Variants in PTPRG observed in about 807,000 individuals in gnomAD.
The protein encoded by PTPRG is receptor-type tyrosine-protein phosphatase gamma.
A neutral mutation model predicts 165.3 loss-of-function variants in PTPRG; 102 were observed. The observed-to-expected ratio is 0.62, with a 90% CI of 0.53 to 0.73. The LOEUF (loss-of-function observed/expected upper bound fraction) is 0.73, where lower values mean the gene tolerates loss of function less well. PTPRG is among the 30% of genes least tolerant of loss of function. The pLI, the probability that PTPRG is intolerant of heterozygous loss-of-function variation, is 0.00. For missense variants in PTPRG, 1,866 were observed against 1,861.4 expected, an observed-to-expected ratio of 1.00 and a Z score of -0.05; for synonymous variants, 675 against 669.5, an observed-to-expected ratio of 1.01 and a Z score of -0.13.
At chr3:61,577,651 T>A (rs1700198321) in intron 1 of PTPRG, among the ~76,000 whole-genome samples, 1 of 152,246 alleles carries the variant, frequency 6.6e-6, no homozygotes, top group African/African-American at 2.4e-5. Flanking sequence ...AAATTTTAAA[T>A]TACACATGTG....
chr3:61,678,328 T>G (rs1703309528), intron 1 of PTPRG, among the ~76,000 whole-genome samples: 2 of 152,242 alleles, frequency 1.3e-5, no homozygotes, highest in Non-Finnish European at 2.9e-5. Context: ...GATATTCATG[T>G]GTTGTCCAGG....
At chr3:61,567,057 C>T (rs1699930318) in intron 1 of PTPRG, among the ~76,000 whole-genome samples, 1 of 152,114 alleles carries the variant, frequency 6.6e-6, no homozygotes, top group South Asian at 2.1e-4. Context: ...CACTTGGTGC[C>T]CAGAAATTAG....
In PTPRG at chr3:61,561,868, CCCG is replaced by C; in HGVS notation, c.-411_-409del. On this transcript the variant is annotated 5_prime_UTR_variant, in exon 1 of 30. Coordinates refer to ENST00000474889, the MANE Select transcript of PTPRG (RefSeq NM_002841.4). Reference sequence around the variant, plus strand: ...CCGGAGACGCCGCGCCGCGCTCAGCCCCGCCGCCGCCCGCCGGCTCTCGGGCTG... The same window carrying C: ...CCGGAGACGCCGCGCCGCGCTCAGCCCCGCCGCCCGCCGGCTCTCGGGCTG... The C allele has an allele frequency of 6.5e-6, 1 of 154,452 alleles. No individual in the cohort carries two copies. The allele number at this position is 154,452 out of a possible 1,614,324, so 9.6% of individuals were successfully genotyped here.
intron 2 of PTPRG, among the ~76,000 whole-genome samples, chr3:61,949,200 CA>C (rs1470009683): frequency 1.3e-5 from 2 of 152,028 alleles, no homozygotes; most frequent in Non-Finnish European, 2.9e-5. Context: ...ATCAACCAAC[CA>C]AACAAAAAAA....
intron 2 of PTPRG, among the ~76,000 whole-genome samples, chr3:61,861,387 G>C (rs962541930): frequency 6.6e-6 from 1 of 152,154 alleles, no homozygotes; most frequent in African/African-American, 2.4e-5. Flanking sequence ...CGAAGGCATT[G>C]ATCAAAGATA....
rs747868773 is a variant in PTPRG at position 61,656,043 on chromosome 3, C to G, written c.86-92835C>G. ...CAACGTGGGCAACATAGCAAGACCC[C>G]CCCCCCCCCGACCATCTCTAAAGAA... On this transcript the variant is annotated intron_variant, in intron 1 of 29. Transcript: ENST00000474889. Among the ~76,000 whole-genome samples the G allele has an allele frequency of 7.8e-3, 1,173 of 150,290 alleles. 15 individuals carry two copies. The highest frequency in any genetic ancestry group is 0.012 in the Non-Finnish European group (840 of 67,584).
chr3:61,623,587 C>T (rs1701523885), intron 1 of PTPRG, among the ~76,000 whole-genome samples: 1 of 152,120 alleles, frequency 6.6e-6, no homozygotes, highest in Non-Finnish European at 1.5e-5. Flanking sequence ...ACCTGGTTTT[C>T]TTTAGCTTTG....
chr3:62,069,436 G>C (rs1399561929), intron 4 of PTPRG, among the ~76,000 whole-genome samples: 2 of 152,116 alleles, frequency 1.3e-5, no homozygotes, highest in African/African-American at 4.8e-5. Context: ...CATTCTCCAA[G>C]GTAGAAGCCT....
intron 1 of PTPRG, among the ~76,000 whole-genome samples, chr3:61,604,581 T>C (rs1316557062): frequency 3.3e-5 from 5 of 152,192 alleles, no homozygotes; most frequent in East Asian, 3.9e-4. Flanking sequence ...CAGCCTGTAA[T>C]GTAAGTACCA....
intron 9 of PTPRG, among the ~76,000 whole-genome samples, chr3:62,194,555 C>A (rs1028781087): frequency 6.6e-6 from 1 of 152,170 alleles, no homozygotes; most frequent in African/African-American, 2.4e-5. Flanking sequence ...GGGTGGCTCA[C>A]GCCTGCAATC....
At chr3:62,161,897 T>A (rs1704779444) in intron 7 of PTPRG, among the ~76,000 whole-genome samples, 1 of 152,218 alleles carries the variant, frequency 6.6e-6, no homozygotes, top group African/African-American at 2.4e-5. Flanking sequence ...GTGGTGAAGC[T>A]AAAATAATCT....
intron 2 of PTPRG, among the ~76,000 whole-genome samples, chr3:61,754,322 T>C (rs568211316): frequency 6.6e-6 from 1 of 152,356 alleles, no homozygotes; most frequent in South Asian, 2.1e-4. Context: ...TTGGCACCTG[T>C]AGTATGTACT....
rs1408585905 is a variant in PTPRG at position 62,296,141 on chromosome 3, T to C, written c.*2834T>C. ...CATGCTGTTGCCATCAGGAGAACTCTTTCTTATATGCGATAGCCAAGATAT... is the reference window on the plus strand; with the variant it reads ...CATGCTGTTGCCATCAGGAGAACTCCTTCTTATATGCGATAGCCAAGATAT... On this transcript the variant is annotated 3_prime_UTR_variant, in exon 30 of 30. Transcript: ENST00000474889. The C allele has an allele frequency of 6.6e-6, 1 of 152,000 alleles. No homozygotes were observed. Among genetic ancestry groups the C allele is most frequent in the Non-Finnish European group, 1.5e-5 (1 of 67,952 alleles). The allele number at this position is 152,000 out of a possible 1,614,324, so 9.4% of individuals were successfully genotyped here. A position where few individuals can be genotyped will look rare whatever the true frequency, so the allele number is the denominator to read the frequency against.
At chr3:62,231,408 A>C in intron 14 of PTPRG, 97 bp downstream of exon 14, 1 of 925,340 alleles carries the variant, frequency 1.1e-6, no homozygotes, top group East Asian at 2.9e-5. Flanking sequence ...AGTCTTGTAG[A>C]TGGCACAGTG....
At chr3:62,220,778 AGGTCAGCAT>A (rs1700634220) in intron 13 of PTPRG, among the ~76,000 whole-genome samples, 1 of 152,208 alleles carries the variant, frequency 6.6e-6, no homozygotes, top group Non-Finnish European at 1.5e-5. Flanking sequence ...GAGGTTAACA[AGGTCAGCAT>A]GCCTATCTCT....
At chr3:62,066,169 T>C (rs1451228735) in intron 4 of PTPRG, among the ~76,000 whole-genome samples, 1 of 152,160 alleles carries the variant, frequency 6.6e-6, no homozygotes, top group East Asian at 1.9e-4. Context: ...TAATTGCAAA[T>C]TCATGACGTC....
intron 4 of PTPRG, among the ~76,000 whole-genome samples, chr3:62,041,962 T>A (rs1197205006): frequency 6.6e-6 from 1 of 152,224 alleles, no homozygotes; most frequent in Non-Finnish European, 1.5e-5. Context: ...ATCATAATCA[T>A]CCTTGTTTAA....
intron 4 of PTPRG, among the ~76,000 whole-genome samples, chr3:62,026,973 C>G (rs1165358507): frequency 6.7e-6 from 1 of 150,072 alleles, no homozygotes; most frequent in Non-Finnish European, 1.5e-5. Flanking sequence ...AGATGCCAGA[C>G]ATATGGGCAA....
chr3:62,248,559 T>C (rs1269492447), intron 15 of PTPRG, among the ~76,000 whole-genome samples: 29 of 152,194 alleles, frequency 1.9e-4, no homozygotes, highest in Admixed American at 1.8e-3. Flanking sequence ...GACTCAGGAA[T>C]ATTCTTTTGA....
Sources: allele counts gnomAD v4.1 joint callset (sites outside exome capture counted in the v4.1 genomes callset), GRCh38; gene constraint gnomAD v4.1.1; transcripts MANE v1.5; gene names NCBI Gene and HGNC (gene_info 2026-07-23, HGNC 2026-07-21).